Variants in MARCHF6 observed in about 807,000 individuals in gnomAD.
The protein encoded by MARCHF6 is E3 ubiquitin-protein ligase MARCHF6.
A neutral mutation model predicts 133.7 loss-of-function variants in MARCHF6; 31 were observed. The ratio of observed to expected loss-of-function variants is 0.23; its 90% CI spans 0.17 to 0.31. The LOEUF (loss-of-function observed/expected upper bound fraction) is 0.31. Among genes scored for constraint, MARCHF6 ranks in the 10% least tolerant of loss-of-function variants. The pLI, the probability that MARCHF6 is intolerant of heterozygous loss-of-function variation, is 1.00. For synonymous variants in MARCHF6, 395 were observed against 402.5 expected, an observed-to-expected ratio of 0.98 and a Z score of 0.22; for missense variants, 723 against 1,121.6, an observed-to-expected ratio of 0.64 and a Z score of 5.08.
chr5:10,412,007 CTGA>C (rs1233799215), intron 19 of MARCHF6, among the ~76,000 whole-genome samples: 4 of 152,198 alleles, frequency 2.6e-5, no homozygotes, highest in African/African-American at 9.7e-5. Flanking sequence ...GAAATGTAAG[CTGA>C]TGACTGCTAT....
intron 1 of MARCHF6, among the ~76,000 whole-genome samples, chr5:10,368,501 G>A (rs1409084989): frequency 6.6e-6 from 1 of 152,136 alleles, no homozygotes; most frequent in African/African-American, 2.4e-5. Flanking sequence ...ATTTAGCTGG[G>A]CCTGGTGGTG....
chr5:10,368,403 C>T (rs568905554), intron 1 of MARCHF6, among the ~76,000 whole-genome samples: 5 of 152,208 alleles, frequency 3.3e-5, no homozygotes, highest in Admixed American at 6.5e-5. Context: ...GAGGCCAACA[C>T]CAGAGGATTG....
At chr5:10,407,928 CT>C (rs1738999479) in intron 17 of MARCHF6, among the ~76,000 whole-genome samples, 1 of 148,190 alleles carries the variant, frequency 6.7e-6, no homozygotes, top group African/African-American at 2.5e-5. Flanking sequence ...TGCACTCCCA[CT>C]TGGGCAACAA....
At chr5:10,427,074 A>G (rs575126203) in intron 24 of MARCHF6, among the ~76,000 whole-genome samples, 1 of 152,212 alleles carries the variant, frequency 6.6e-6, no homozygotes. Context: ...AGCAGCAAAC[A>G]TTATCATCCA....
rs776814719 is a variant in MARCHF6 at position 10,414,494 on chromosome 5, C to G, written c.1958C>G (p.Thr653Ser). The G allele has an allele frequency of 1.2e-6, 2 of 1,612,042 alleles. No homozygotes were observed. The highest frequency in any genetic ancestry group is 2.2e-5 in the South Asian group (2 of 90,988). Reference sequence around the variant, plus strand: ...CTGATTGCCAGCCTCATCTGCCTTACTTTACCAGGTATGAGCTTGTGCTAG... The same window carrying G: ...CTGATTGCCAGCCTCATCTGCCTTAGTTTACCAGGTATGAGCTTGTGCTAG... The part of the protein sequence containing the change: ...TLLIASLICL[T>S]LPVFAGRWLM... Residue 653 changes from threonine (T) to serine (S), a missense_variant, in exon 20 of 26, where the codon ACT becomes AGT. Around this residue, in one of 4 missense-constraint regions of MARCHF6, gnomAD observed 492 missense variants for 699.5 expected, o/e 0.70. Coordinates refer to ENST00000274140, the MANE Select transcript of MARCHF6 (RefSeq NM_005885.4).
At chr5:10,426,015 A>G (rs1740067146) in intron 23 of MARCHF6, among the ~76,000 whole-genome samples, 1 of 152,208 alleles carries the variant, frequency 6.6e-6, no homozygotes, top group Non-Finnish European at 1.5e-5. Context: ...ATATTGTATA[A>G]TAACACAATA....
chr5:10,430,119 C>G, intron 25 of MARCHF6, 91 bp downstream of exon 25: 2 of 1,415,156 alleles, frequency 1.4e-6, no homozygotes, highest in Non-Finnish European at 9.7e-7. Flanking sequence ...GGGAAACATG[C>G]TCAGATTCTG....
chr5:10,371,333 G>T (rs1736451228), intron 1 of MARCHF6, among the ~76,000 whole-genome samples: 1 of 151,982 alleles, frequency 6.6e-6, no homozygotes. Flanking sequence ...GTGTAGAGAT[G>T]GTAGGTGTAT....
At chr5:10,371,417 G>A (rs764089320) in intron 1 of MARCHF6, among the ~76,000 whole-genome samples, 6 of 152,166 alleles carry the variant, frequency 3.9e-5, no homozygotes, top group Non-Finnish European at 5.9e-5. Flanking sequence ...ATTTATAATG[G>A]ACTTACAGTT....
intron 1 of MARCHF6, among the ~76,000 whole-genome samples, chr5:10,366,129 G>A (rs934569418): frequency 1.3e-5 from 2 of 151,798 alleles, no homozygotes; most frequent in Non-Finnish European, 2.9e-5. Flanking sequence ...GATGGGTTTC[G>A]CCATGTTGGC....
chr5:10,360,365 C>T (rs955747896), intron 1 of MARCHF6, among the ~76,000 whole-genome samples: 5 of 151,864 alleles, frequency 3.3e-5, no homozygotes, highest in African/African-American at 9.7e-5. Context: ...GCTTGAACTC[C>T]TGACCTCAGG....
chr5:10,386,867 C>T (rs1737510848), intron 4 of MARCHF6, 127 bp from the exon 5 acceptor site: 1 of 673,194 alleles, frequency 1.5e-6, no homozygotes. Context: ...GAGACTTAGG[C>T]TTGTAAAGAC....
intron 8 of MARCHF6, 91 bp downstream of exon 8, chr5:10,394,234 C>T (rs910651727): frequency 1.3e-5 from 9 of 672,400 alleles, no homozygotes; most frequent in South Asian, 3.0e-5. Flanking sequence ...CTAATGTTAT[C>T]GTTACAGTTG....
chr5:10,419,461 G>T (rs1200649047), intron 22 of MARCHF6, among the ~76,000 whole-genome samples: 1 of 152,130 alleles, frequency 6.6e-6, no homozygotes, highest in Non-Finnish European at 1.5e-5. Context: ...ATGCATTTTT[G>T]ACTTACAGTG....
In MARCHF6 at chr5:10,411,678, G is replaced by A. The variant is rs76452567; in HGVS notation, c.1896+141G>A. On this transcript the variant is annotated intron_variant, in intron 19 of 25. Transcript: ENST00000274140. ...CATTTTATTACCCTCATTATGTAAC[G>A]TAAATGATTAGGTAAGTTTATCAAA... 1.5e-3 allele frequency: 892 copies of A among 576,376 alleles called. 3 individuals carry two copies. In the African/African-American group the frequency reaches 0.016, roughly 10 times the overall value. 35.7% of individuals were successfully genotyped at this position (576,376 alleles called of 1,614,324 possible). A position where few individuals can be genotyped will look rare whatever the true frequency, so the allele number is the denominator to read the frequency against.
rs765936713 is a variant in MARCHF6, at chr5:10,405,572, T to C, written c.1347T>C (p.Gly449=). The stretch of plus-strand genomic sequence containing the variant: ...TATATTTGCAGGTACTTCGACCTGG[T>C]GTCCTGTGGTTTCTAAGGAATTTGA... ...ILLLREVLRP[G]VLWFLRNLND... is the part of the protein sequence containing the mutation. The change falls in exon 16 of 26, where the codon GGT becomes GGC. Residue 449 remains glycine (G), a synonymous_variant. Coordinates refer to ENST00000274140, the MANE Select transcript of MARCHF6 (RefSeq NM_005885.4). The C allele has an allele frequency of 1.2e-6, 2 of 1,600,442 alleles. No homozygotes were observed. Among genetic ancestry groups the C allele is most frequent in the Non-Finnish European group, 1.7e-6 (2 of 1,175,978 alleles).
intron 1 of MARCHF6, among the ~76,000 whole-genome samples, chr5:10,370,118 T>TG (rs1736382528): frequency 6.8e-6 from 1 of 146,268 alleles, no homozygotes; most frequent in South Asian, 2.2e-4. Context: ...TTTTTTTTTT[T>TG]GAGACAGGAT....
chr5:10,417,475 T>C (rs1311916276), intron 22 of MARCHF6, 71 bp downstream of exon 22: 1 of 1,591,482 alleles, frequency 6.3e-7, no homozygotes. Context: ...TAGCCAGGCA[T>C]GGGGCTTACG....
At chr5:10,403,579 A>G (rs1738683675) in intron 15 of MARCHF6, 38 bp downstream of exon 15, 4 of 1,565,792 alleles carry the variant, frequency 2.6e-6, no homozygotes, top group Non-Finnish European at 3.5e-6. Context: ...GTACATTTAT[A>G]AAAAGGACTT....
Sources: allele counts gnomAD v4.1 joint callset (sites outside exome capture counted in the v4.1 genomes callset), GRCh38; gene constraint gnomAD v4.1.1; regional missense constraint gnomAD v4.1.1; transcripts MANE v1.5; gene names NCBI Gene and HGNC (gene_info 2026-07-23, HGNC 2026-07-21).